LRBA: variants seen among roughly 807,000 people sequenced by gnomAD.
LRBA encodes lipopolysaccharide-responsive and beige-like anchor protein.
Under a neutral mutation model 330.0 loss-of-function variants are expected in LRBA, and 176 were observed. The ratio of observed to expected loss-of-function variants is 0.53; its 90% confidence interval spans 0.47 to 0.60. LRBA has a LOEUF of 0.60. Ranked by LOEUF, LRBA falls within the 20% of genes least tolerant of loss-of-function variation. The probability of loss-of-function intolerance (pLI) is 0.00; values close to 1 mark genes in which losing one functional copy is unlikely to be tolerated. For synonymous variants in LRBA, 1,230 were observed against 1,193.0 expected (o/e 1.03, Z -0.64); for missense variants, 3,259 against 3,444.8 (o/e 0.95, Z 1.35).
intron 44 of LRBA, among the ~76,000 whole-genome samples, chr4:150,445,377 CTATA>C (rs10552819): frequency 0.05 from 3,871 of 78,118 alleles, 82 homozygotes; most frequent in African/African-American, 0.076. Context: ...CTCTCTCTCT[CTATA>C]TATATATATA....
intron 37 of LRBA, among the ~76,000 whole-genome samples, chr4:150,638,530 A>T (rs1413728430): frequency 1.3e-5 from 2 of 152,206 alleles, no homozygotes; most frequent in African/African-American, 2.4e-5. Context: ...GAGAATACTT[A>T]AGAACACATA....
intron 37 of LRBA, among the ~76,000 whole-genome samples, chr4:150,664,371 C>T (rs1421206809): frequency 4.6e-5 from 7 of 152,178 alleles, no homozygotes; most frequent in Non-Finnish European, 7.4e-5. Flanking sequence ...TATGGCTTGA[C>T]ATATTATCGA....
In LRBA at chr4:150,817,061, C is replaced by T. The variant is rs1023087941; in HGVS notation, c.5305+63G>A. On this transcript the variant is annotated intron_variant, in intron 31 of 56. Transcript: ENST00000651943. ...CCCAAATTTTAAGTTAATCAAAAATCTTAAGCGTTGCTAAAATGAGATCTA... is the reference window on the plus strand; with the variant it reads ...CCCAAATTTTAAGTTAATCAAAAATTTTAAGCGTTGCTAAAATGAGATCTA... 3.0e-5 allele frequency: 45 copies of T among 1,501,068 alleles called. No individual in the cohort carries two copies. The Admixed American group carries it at 7.7e-4, about 26-fold the overall frequency. The allele number at this position is 1,501,068 out of a possible 1,614,324, so 93.0% of individuals were successfully genotyped here.
intron 35 of LRBA, among the ~76,000 whole-genome samples, chr4:150,747,755 C>CCTACAAATCTTGTAATGTACCTCCGCTG (rs1213497973): frequency 2.0e-5 from 3 of 152,202 alleles, no homozygotes; most frequent in Non-Finnish European, 4.4e-5. Context: ...CTCCGCTGCA[C>CCTACAAATCTTGTAATGTACCTCCGCTG]TACCTACAAA....
intron 44 of LRBA, among the ~76,000 whole-genome samples, chr4:150,447,346 A>G (rs954771561): frequency 6.6e-6 from 1 of 152,154 alleles, no homozygotes; most frequent in African/African-American, 2.4e-5. Flanking sequence ...TCTTTCTCCA[A>G]TGTGGGTGGG....
chr4:150,489,611 T>TAAGAATATATAATATAG (rs1320735159), intron 41 of LRBA, among the ~76,000 whole-genome samples: 2 of 43,066 alleles, frequency 4.6e-5, no homozygotes, highest in East Asian at 1.2e-3. Flanking sequence ...ATATAATATA[T>TAAGAATATATAATATAG]AATATATAAG....
intron 36 of LRBA, among the ~76,000 whole-genome samples, chr4:150,712,629 G>T (rs1786334139): frequency 6.6e-6 from 1 of 151,972 alleles, no homozygotes; most frequent in Non-Finnish European, 1.5e-5. Context: ...ACATTTACTG[G>T]CAAGAACGAA....
At chr4:150,684,442 C>T (rs1783345924) in intron 36 of LRBA, among the ~76,000 whole-genome samples, 2 of 152,090 alleles carry the variant, frequency 1.3e-5, no homozygotes, top group Admixed American at 1.3e-4. Flanking sequence ...AGGCCCCACC[C>T]CAAATCTATT....
intron 55 of LRBA, among the ~76,000 whole-genome samples, chr4:150,278,216 CTTTGCTT>C (rs536671639): frequency 6.4e-4 from 98 of 152,258 alleles, no homozygotes; most frequent in Non-Finnish European, 1.3e-3. Context: ...ATTGTTTTGG[CTTTGCTT>C]TTTTAAATAC....
intron 20 of LRBA, among the ~76,000 whole-genome samples, chr4:150,869,186 T>A (rs541683462): frequency 3.3e-4 from 50 of 151,894 alleles, no homozygotes; most frequent in African/African-American, 1.2e-3. Context: ...CCCAAAGTGC[T>A]GGGATTACAG....
intron 44 of LRBA, among the ~76,000 whole-genome samples, chr4:150,448,559 C>T (rs528734354): frequency 1.3e-5 from 2 of 151,782 alleles, no homozygotes; most frequent in East Asian, 1.9e-4. Flanking sequence ...CCCAGCACTT[C>T]GGGAGGCCGA....
chr4:150,640,638 T>C (rs1176034147), intron 37 of LRBA, among the ~76,000 whole-genome samples: 1 of 152,182 alleles, frequency 6.6e-6, no homozygotes, highest in Non-Finnish European at 1.5e-5. Context: ...CTCCTAAATA[T>C]ATCTCCTGCT....
chr4:150,874,248 C>T (rs371167789), intron 17 of LRBA, among the ~76,000 whole-genome samples: 5 of 152,108 alleles, frequency 3.3e-5, no homozygotes, highest in African/African-American at 1.2e-4. Flanking sequence ...TGAAAGGCAC[C>T]CTAGTTCCCG....
chr4:150,685,924 T>A (rs920379350), intron 36 of LRBA, among the ~76,000 whole-genome samples: 4 of 152,036 alleles, frequency 2.6e-5, no homozygotes, highest in African/African-American at 9.7e-5. Context: ...AAGTACAAAA[T>A]ACAGGTAGAA....
At chr4:150,526,828 G>A (rs1301287187) in intron 40 of LRBA, among the ~76,000 whole-genome samples, 1 of 151,934 alleles carries the variant, frequency 6.6e-6, no homozygotes, top group Non-Finnish European at 1.5e-5. Flanking sequence ...CCATTATCAT[G>A]TATAACAAAA....
At chr4:150,597,730 GAAAA>G (rs748663001) in intron 38 of LRBA, among the ~76,000 whole-genome samples, 6 of 149,320 alleles carry the variant, frequency 4.0e-5, no homozygotes, top group Non-Finnish European at 7.5e-5. Flanking sequence ...CACAAAAAAA[GAAAA>G]AAAAACCCTC....
chr4:150,809,894 C>T (rs1008968161), intron 31 of LRBA, among the ~76,000 whole-genome samples: 1 of 150,076 alleles, frequency 6.7e-6, no homozygotes, highest in East Asian at 1.9e-4. Flanking sequence ...CGATACGATA[C>T]GATACGATAC....
chr4:150,725,429 G>A (rs1418928330), intron 36 of LRBA, among the ~76,000 whole-genome samples: 1 of 152,152 alleles, frequency 6.6e-6, no homozygotes, highest in Admixed American at 6.5e-5. Context: ...AGAGTGGCAA[G>A]ACATATTTAA....
chr4:150,769,275 A>C (rs901056424), intron 34 of LRBA, among the ~76,000 whole-genome samples: 1 of 152,020 alleles, frequency 6.6e-6, no homozygotes, highest in Non-Finnish European at 1.5e-5. Context: ...CCCCGGTATT[A>C]ATCAGGATTC....
Sources: allele counts gnomAD v4.1 joint callset (sites outside exome capture counted in the v4.1 genomes callset), GRCh38; gene constraint gnomAD v4.1.1; transcripts MANE v1.5; gene names NCBI Gene and HGNC (gene_info 2026-07-23, HGNC 2026-07-21).